Variants in ZMIZ1 observed in about 807,000 individuals in gnomAD.
ZMIZ1 encodes zinc finger MIZ domain-containing protein 1.
ZMIZ1 carries 17 observed loss-of-function variants against 113.9 expected under a neutral mutation model. The ratio of observed to expected loss-of-function variants is 0.15; its 90% CI spans 0.10 to 0.22. The LOEUF (loss-of-function observed/expected upper bound fraction) is 0.22. Among genes scored for constraint, ZMIZ1 ranks in the 10% least tolerant of loss-of-function variants. The pLI, the probability that ZMIZ1 is intolerant of heterozygous loss-of-function variation, is 1.00. For synonymous variants in ZMIZ1, 607 were observed against 603.1 expected, an observed-to-expected ratio of 1.01 and a Z score of -0.09; for missense variants, 1,059 against 1,477.8, an observed-to-expected ratio of 0.72 and a Z score of 4.65.
At chr10:79,289,673 G>A in intron 8 of ZMIZ1, 102 bp from the exon 9 acceptor site, 1 of 1,095,026 alleles carries the variant, frequency 9.1e-7, no homozygotes, top group South Asian at 1.4e-5. Context: ...GGTTACCTTG[G>A]ACTGACTGGG....
intron 3 of ZMIZ1, among the ~76,000 whole-genome samples, chr10:79,161,704 A>G (rs1846120722): frequency 6.6e-6 from 1 of 152,192 alleles, no homozygotes; most frequent in South Asian, 2.1e-4. Flanking sequence ...GATCACTATC[A>G]CATCAGCATG....
intron 12 of ZMIZ1, chr10:79,294,016 G>A: frequency 2.9e-6 from 1 of 347,118 alleles, no homozygotes; most frequent in African/African-American, 2.1e-5. Flanking sequence ...AGTTCCTCCT[G>A]CCCACATGAG....
intron 1 of ZMIZ1, among the ~76,000 whole-genome samples, chr10:79,075,999 C>T (rs1842462324): frequency 6.6e-6 from 1 of 152,200 alleles, no homozygotes; most frequent in Non-Finnish European, 1.5e-5. Context: ...GTGCTGCCCT[C>T]CTCTTAGCTC....
intron 1 of ZMIZ1, among the ~76,000 whole-genome samples, chr10:79,081,925 A>T (rs1202410128): frequency 6.6e-6 from 1 of 152,248 alleles, no homozygotes; most frequent in East Asian, 1.9e-4. Context: ...GAGACCATCC[A>T]GGCCAACCTT....
chr10:79,306,132 C>T lies in ZMIZ1; in HGVS notation c.2456C>T (p.Thr819Met), dbSNP rs919974519. 11 of 1,613,744 alleles carry T rather than the reference C, an allele frequency of 6.8e-6. No homozygotes were observed. Among genetic ancestry groups the T allele is most frequent in the East Asian group, 2.2e-5 (1 of 44,890 alleles). Residue 819 changes from threonine to methionine, a missense_variant, in exon 22 of 25, where the codon ACG becomes ATG. Thr to Met is a moderately conservative substitution (Grantham distance 81). Transcript: ENST00000334512. ...TTTGAAGAGGTCACCATCGATCCCA[C>T]GTGCAGCTGGCGGCCGGTGCCCATC... ...SEFEEVTIDPTCSWRPVPIKS... is the reference protein window; with the variant it reads ...SEFEEVTIDPMCSWRPVPIKS...
intron 4 of ZMIZ1, among the ~76,000 whole-genome samples, chr10:79,179,163 AGGGTAACTCCAAGAGTTAATGTTACT>A (rs2132560930): frequency 6.6e-6 from 1 of 152,346 alleles, no homozygotes; most frequent in South Asian, 2.1e-4. Context: ...CAGCCCTCCA[AGGGTAACTCCAAGAGTTAATGTTACT>A]GGTAGCAACA....
At chr10:79,077,115 A>G (rs1210086610) in intron 1 of ZMIZ1, among the ~76,000 whole-genome samples, 1 of 152,114 alleles carries the variant, frequency 6.6e-6, no homozygotes, top group Non-Finnish European at 1.5e-5. Flanking sequence ...AGCCTAGGTG[A>G]GAGCACACTA....
chr10:79,156,262 A>T (rs1004271095), intron 3 of ZMIZ1, among the ~76,000 whole-genome samples: 1 of 152,138 alleles, frequency 6.6e-6, no homozygotes, highest in Admixed American at 6.5e-5. Flanking sequence ...GGTAGTTCAG[A>T]GACCCCCCCG....
At chr10:79,163,214 G>A (rs561669627) in intron 4 of ZMIZ1, among the ~76,000 whole-genome samples, 12 of 152,216 alleles carry the variant, frequency 7.9e-5, no homozygotes, top group South Asian at 2.1e-4. Context: ...TGCCCTCAGC[G>A]TCCCTCCTGG....
chr10:79,312,281 C>A (rs529504107), intron 24 of ZMIZ1, among the ~76,000 whole-genome samples: 5 of 152,372 alleles, frequency 3.3e-5, no homozygotes, highest in African/African-American at 1.2e-4. Flanking sequence ...CTTGTGCTTA[C>A]ACGTGAAGCA....
At chr10:79,241,911 A>G (rs1042619780) in intron 7 of ZMIZ1, among the ~76,000 whole-genome samples, 2 of 151,944 alleles carry the variant, frequency 1.3e-5, no homozygotes, top group African/African-American at 4.8e-5. Context: ...AATACAGAGG[A>G]GATTTTAAAG....
At chr10:79,240,062 C>T (rs1176935225) in intron 7 of ZMIZ1, among the ~76,000 whole-genome samples, 1 of 152,206 alleles carries the variant, frequency 6.6e-6, no homozygotes, top group Non-Finnish European at 1.5e-5. Context: ...CCAGGGCCCA[C>T]GGCAGGAGGA....
chr10:79,154,257 A>G (rs1845816958), intron 3 of ZMIZ1, among the ~76,000 whole-genome samples: 1 of 152,034 alleles, frequency 6.6e-6, no homozygotes, highest in Non-Finnish European at 1.5e-5. Flanking sequence ...CCTTCTCTGT[A>G]GGGTGGCAGG....
intron 3 of ZMIZ1, among the ~76,000 whole-genome samples, chr10:79,156,521 G>A (rs535558479): frequency 2.7e-4 from 41 of 152,312 alleles, no homozygotes; most frequent in African/African-American, 8.9e-4. Flanking sequence ...GGCCACTTTC[G>A]AGCCTTCCCC....
intron 1 of ZMIZ1, among the ~76,000 whole-genome samples, chr10:79,085,677 G>A (rs1188447984): frequency 6.6e-6 from 1 of 152,360 alleles, no homozygotes; most frequent in Middle Eastern, 3.4e-3. Context: ...ACCAGCAGCA[G>A]GCAACAGGCT....
intron 1 of ZMIZ1, among the ~76,000 whole-genome samples, chr10:79,106,406 C>T (rs1012139223): frequency 4.6e-5 from 7 of 152,182 alleles, no homozygotes; most frequent in African/African-American, 1.7e-4. Context: ...TGTAAGAGAG[C>T]ATGGGGACCA....
chr10:79,264,382 G>A (rs1488869571), intron 7 of ZMIZ1, among the ~76,000 whole-genome samples: 1 of 152,220 alleles, frequency 6.6e-6, no homozygotes, highest in Non-Finnish European at 1.5e-5. Flanking sequence ...TATTGCTGGG[G>A]GAGGGAGGAC....
chr10:79,278,682 C>T (rs1246747222), intron 8 of ZMIZ1, among the ~76,000 whole-genome samples: 3 of 151,850 alleles, frequency 2.0e-5, no homozygotes, highest in Non-Finnish European at 4.4e-5. Context: ...TAACAAAGCA[C>T]ATCTTGCACC....
chr10:79,097,739 GT>G (rs1268561986), intron 1 of ZMIZ1, among the ~76,000 whole-genome samples: 1 of 152,136 alleles, frequency 6.6e-6, no homozygotes, highest in Non-Finnish European at 1.5e-5. Context: ...GCGCAGTGAA[GT>G]TTTTATCAAT....
Sources: gnomAD v4.1 joint callset for allele counts (sites outside exome capture counted in the v4.1 genomes callset) on GRCh38, gnomAD v4.1.1 for gene constraint, MANE v1.5 for transcripts, NCBI Gene and HGNC (gene_info 2026-07-23, HGNC 2026-07-21) for gene names.